Variants in SCAI observed in about 807,000 individuals in gnomAD.
The protein encoded by SCAI is protein SCAI.
A neutral mutation model predicts 92.2 loss-of-function variants in SCAI; 24 were observed. That is an observed-to-expected ratio of 0.26 (90% CI 0.19 to 0.37). SCAI has a LOEUF of 0.37. SCAI is among the 10% of genes least tolerant of loss of function. SCAI has a pLI of 1.00. For missense variants in SCAI, 450 were observed against 736.2 expected, an observed-to-expected ratio of 0.61 and a Z score of 4.50; for synonymous variants, 261 against 258.6, an observed-to-expected ratio of 1.01 and a Z score of -0.09.
At chr9:124,971,260 C>T in intron 17 of SCAI, 110 bp downstream of exon 17, 1 of 521,842 alleles carries the variant, frequency 1.9e-6, no homozygotes. Context: ...TGAATTTATC[C>T]AAAATAATAT....
intron 6 of SCAI, among the ~76,000 whole-genome samples, chr9:125,021,246 A>T (rs993709572): frequency 2.6e-5 from 4 of 152,180 alleles, no homozygotes; most frequent in Admixed American, 1.3e-4. Flanking sequence ...AGCGTGGAAG[A>T]CTACAGGCAG....
chr9:125,002,984 T>G (rs1408892297), intron 11 of SCAI, 130 bp downstream of exon 11: 2 of 606,342 alleles, frequency 3.3e-6, no homozygotes, highest in Non-Finnish European at 5.9e-6. Flanking sequence ...ATCAGGATCA[T>G]TACTCTAAAG....
chr9:125,070,933 G>A (rs1249643293), intron 2 of SCAI, among the ~76,000 whole-genome samples: 4 of 152,122 alleles, frequency 2.6e-5, no homozygotes, highest in African/African-American at 7.2e-5. Flanking sequence ...GGGACCCGGC[G>A]AGAGATAATT....
At chr9:124,977,961 G>A (rs1383615755) in intron 14 of SCAI, among the ~76,000 whole-genome samples, 3 of 151,824 alleles carry the variant, frequency 2.0e-5, no homozygotes, top group African/African-American at 7.3e-5. Flanking sequence ...TAAAAGTGGT[G>A]AAAAAAATAA....
intron 15 of SCAI, chr9:124,974,247 C>G: frequency 2.2e-6 from 1 of 445,862 alleles, no homozygotes; most frequent in Non-Finnish European, 4.5e-6. Flanking sequence ...AGTTTGAGAC[C>G]AGCCTAGGCA....
intron 2 of SCAI, among the ~76,000 whole-genome samples, chr9:125,140,732 G>A (rs138898064): frequency 6.7e-6 from 1 of 149,964 alleles, no homozygotes; most frequent in Non-Finnish European, 1.5e-5. Flanking sequence ...GGTGTCAGGC[G>A]CTTGTAGTCC....
intron 2 of SCAI, among the ~76,000 whole-genome samples, chr9:125,135,616 G>A (rs966001753): frequency 3.9e-5 from 6 of 152,018 alleles, no homozygotes; most frequent in Non-Finnish European, 7.4e-5. Flanking sequence ...TAGCATGACT[G>A]CACTCCGGTC....
intron 3 of SCAI, among the ~76,000 whole-genome samples, chr9:125,033,036 G>A (rs1333441385): frequency 6.6e-6 from 1 of 152,136 alleles, no homozygotes; most frequent in Non-Finnish European, 1.5e-5. Flanking sequence ...GATCACATAT[G>A]TAGAAAAAAC....
At chr9:125,009,515 C>T (rs1832586454) in intron 9 of SCAI, among the ~76,000 whole-genome samples, 1 of 151,936 alleles carries the variant, frequency 6.6e-6, no homozygotes, top group South Asian at 2.1e-4. Context: ...AGGCGATCTG[C>T]CCCACTTTGC....
chr9:124,982,508 C>A (rs1457187047), intron 14 of SCAI, among the ~76,000 whole-genome samples: 1 of 151,658 alleles, frequency 6.6e-6, no homozygotes, highest in Non-Finnish European at 1.5e-5. Flanking sequence ...CCCATCTCTA[C>A]TAAAAATAAA....
intron 2 of SCAI, among the ~76,000 whole-genome samples, chr9:125,057,207 C>T (rs1833686751): frequency 6.6e-6 from 1 of 151,966 alleles, no homozygotes; most frequent in South Asian, 2.1e-4. Context: ...GACTGAAGAA[C>T]AGAAAGGATA....
At chr9:125,012,713 C>A (rs1832665718) in intron 9 of SCAI, among the ~76,000 whole-genome samples, 1 of 152,192 alleles carries the variant, frequency 6.6e-6, no homozygotes, top group Non-Finnish European at 1.5e-5. Context: ...CACCCCAAAT[C>A]AACTGAATAT....
chr9:125,077,024 A>C (rs1319944782), intron 2 of SCAI, among the ~76,000 whole-genome samples: 1 of 152,196 alleles, frequency 6.6e-6, no homozygotes, highest in East Asian at 1.9e-4. Flanking sequence ...TTCTACAAAA[A>C]AATGAAAAAA....
At chr9:124,969,003 T>A (rs745527295) in intron 17 of SCAI, among the ~76,000 whole-genome samples, 9 of 150,622 alleles carry the variant, frequency 6.0e-5, no homozygotes, top group Non-Finnish European at 1.0e-4. Context: ...CATGCAGTGG[T>A]ACAATCAGAG....
chr9:125,138,839 A>G (rs1383293269), intron 2 of SCAI, among the ~76,000 whole-genome samples: 2 of 152,298 alleles, frequency 1.3e-5, no homozygotes, highest in South Asian at 2.1e-4. Flanking sequence ...GTGAGCCACC[A>G]CGCCAGCAGA....
intron 6 of SCAI, among the ~76,000 whole-genome samples, chr9:125,024,650 C>G (rs1832934460): frequency 6.6e-6 from 1 of 152,156 alleles, no homozygotes; most frequent in African/African-American, 2.4e-5. Context: ...TCCCTACTTA[C>G]AAGACACTGA....
At chr9:125,041,406 G>A (rs1271460905) in intron 3 of SCAI, among the ~76,000 whole-genome samples, 2 of 152,170 alleles carry the variant, frequency 1.3e-5, no homozygotes, top group African/African-American at 4.8e-5. Context: ...GCATTTGTCA[G>A]CAACACCAAC....
chr9:124,999,796 AG>A, intron 13 of SCAI, 94 bp downstream of exon 13: 1 of 667,452 alleles, frequency 1.5e-6, no homozygotes, highest in Non-Finnish European at 2.6e-6. Context: ...GAATCATTCT[AG>A]TACTAGAAAA....
chr9:125,043,033 T>C (rs1471072461), intron 3 of SCAI, among the ~76,000 whole-genome samples: 2 of 152,046 alleles, frequency 1.3e-5, no homozygotes, highest in South Asian at 2.1e-4. Context: ...GCCTGGCTAA[T>C]TGCTTTGTAT....
Sources: gnomAD v4.1 joint callset for allele counts (sites outside exome capture counted in the v4.1 genomes callset) on GRCh38, gnomAD v4.1.1 for gene constraint, MANE v1.5 for transcripts, NCBI Gene and HGNC (gene_info 2026-07-23, HGNC 2026-07-21) for gene names.